CSMD2: variants seen among roughly 807,000 people sequenced by gnomAD.
CSMD2 encodes the protein CUB and sushi domain-containing protein 2.
Under a neutral mutation model 398.5 loss-of-function variants are expected in CSMD2, and 130 were observed. The ratio of observed to expected loss-of-function variants is 0.33; its 90% CI spans 0.28 to 0.38. The LOEUF is 0.38. Ranked by LOEUF, CSMD2 falls within the 10% of genes least tolerant of loss-of-function variation. CSMD2 has a pLI of 1.00. For missense variants in CSMD2, 3,829 were observed against 4,764.9 expected (o/e 0.80, Z 5.78); for synonymous variants, 1,828 against 1,908.5 (o/e 0.96, Z 1.10).
chr1:33,799,726 T>A (rs78379021), intron 10 of CSMD2, among the ~76,000 whole-genome samples: 2 of 152,238 alleles, frequency 1.3e-5, no homozygotes, highest in East Asian at 3.9e-4. Flanking sequence ...CTTGTGATCA[T>A]GAGGATGAGA....
chr1:33,544,521 G>A (rs1184991607), intron 57 of CSMD2, among the ~76,000 whole-genome samples: 1 of 152,082 alleles, frequency 6.6e-6, no homozygotes, highest in East Asian at 1.9e-4. Flanking sequence ...CAGGCAGTAA[G>A]AGTACTCATT....
chr1:33,736,286 C>T (rs1646881808), intron 15 of CSMD2, among the ~76,000 whole-genome samples: 2 of 152,220 alleles, frequency 1.3e-5, no homozygotes, highest in Middle Eastern at 3.4e-3. Context: ...TCAAGACCAT[C>T]CTGGCTAACA....
intron 1 of CSMD2, among the ~76,000 whole-genome samples, chr1:34,101,907 G>A (rs1374374507): frequency 6.6e-6 from 1 of 151,928 alleles, no homozygotes; most frequent in East Asian, 1.9e-4. Flanking sequence ...TATTTTTCTT[G>A]TTAATTTGTA....
At chr1:33,547,372 A>C (rs1400017407) in intron 56 of CSMD2, among the ~76,000 whole-genome samples, 2 of 152,228 alleles carry the variant, frequency 1.3e-5, no homozygotes, top group Non-Finnish European at 2.9e-5. Context: ...GAGGAGAACA[A>C]TTACCGAATA....
At chr1:33,547,743 G>A in intron 56 of CSMD2, among the ~76,000 whole-genome samples, 1 of 152,244 alleles carries the variant, frequency 6.6e-6, no homozygotes, top group Non-Finnish European at 1.5e-5. Context: ...TTGCCAGGAT[G>A]TAATTCACAC....
chr1:33,697,507 C>A lies in CSMD2; in HGVS notation c.3925+1246G>T, dbSNP rs78067702. Reference sequence around the variant, plus strand: ...TCCATTGTATAACAGTGTTAAAGATCCTGTGAAAATGTAGTCGTCTAGGGG... The same window carrying A: ...TCCATTGTATAACAGTGTTAAAGATACTGTGAAAATGTAGTCGTCTAGGGG... On this transcript the variant is annotated intron_variant, in intron 24 of 70. Transcript: ENST00000373381. Among the ~76,000 whole-genome samples the A allele has an allele frequency of 5.1e-3, 777 of 152,298 alleles. 10 individuals carry two copies. The highest frequency in any genetic ancestry group is 0.018 in the African/African-American group (746 of 41,574).
chr1:33,647,742 C>T (rs1347858115), intron 28 of CSMD2, among the ~76,000 whole-genome samples: 1 of 152,180 alleles, frequency 6.6e-6, no homozygotes, highest in Non-Finnish European at 1.5e-5. Flanking sequence ...ATGGTGACAT[C>T]ACTGATGCTT....
rs183561279 is a variant in CSMD2 at position 33,904,505 on chromosome 1, A to G, written c.920+13589T>C. 7.6e-4 allele frequency among the ~76,000 whole-genome samples: 115 copies of G among 152,314 alleles called. 2 individuals are homozygous for G. Among genetic ancestry groups the G allele is most frequent in the Admixed American group, 2.3e-3 (35 of 15,308 alleles). ...CCATTTTCTGCCTATGAATCTGACTATTCTGGGTATTCTTCTTTAATGGGC... is the reference window on the plus strand; with the variant it reads ...CCATTTTCTGCCTATGAATCTGACTGTTCTGGGTATTCTTCTTTAATGGGC... On this transcript the variant is annotated intron_variant, in intron 5 of 70. Transcript: ENST00000373381.
intron 5 of CSMD2, among the ~76,000 whole-genome samples, chr1:33,853,659 G>C (rs1411296223): frequency 6.6e-6 from 1 of 151,700 alleles, no homozygotes; most frequent in Non-Finnish European, 1.5e-5. Flanking sequence ...GGTGGGGGTG[G>C]GAGACTGCCT....
chr1:33,685,994 A>G (rs1206973336), intron 25 of CSMD2, among the ~76,000 whole-genome samples: 1 of 152,170 alleles, frequency 6.6e-6, no homozygotes, highest in Non-Finnish European at 1.5e-5. Context: ...GGAAAGAGCA[A>G]AGACTGACAT....
At chr1:34,146,957 C>A (rs866960699) in intron 1 of CSMD2, among the ~76,000 whole-genome samples, 1 of 152,010 alleles carries the variant, frequency 6.6e-6, no homozygotes, top group Non-Finnish European at 1.5e-5. Context: ...GCCATAGGAG[C>A]GAATGAAATA....
chr1:34,009,462 C>A (rs1647173445), intron 3 of CSMD2, among the ~76,000 whole-genome samples: 1 of 151,950 alleles, frequency 6.6e-6, no homozygotes, highest in African/African-American at 2.4e-5. Flanking sequence ...TGGGCCTTTA[C>A]CCTGCTGACA....
At chr1:34,066,227 A>T (rs1233440767) in intron 2 of CSMD2, among the ~76,000 whole-genome samples, 1 of 152,228 alleles carries the variant, frequency 6.6e-6, no homozygotes, top group Non-Finnish European at 1.5e-5. Context: ...TACACACAGC[A>T]CACATACTAA....
chr1:34,027,857 CATGGG>C, intron 3 of CSMD2, among the ~76,000 whole-genome samples: 1 of 3,586 alleles, frequency 2.8e-4, no homozygotes, highest in African/African-American at 3.9e-4. Flanking sequence ...GACAGCCCTA[CATGGG>C]CAGACAGCCC....
chr1:33,521,032 A>T (rs916076987), intron 68 of CSMD2, among the ~76,000 whole-genome samples: 7 of 152,184 alleles, frequency 4.6e-5, no homozygotes, highest in African/African-American at 1.7e-4. Flanking sequence ...TTATCTGTAA[A>T]ATGGGCACAA....
intron 3 of CSMD2, among the ~76,000 whole-genome samples, chr1:33,983,964 C>G (rs568939757): frequency 2.2e-4 from 34 of 152,222 alleles, no homozygotes; most frequent in Admixed American, 2.0e-3. Context: ...ACCAGCCTGA[C>G]CAACATGGTG....
chr1:33,925,766 A>G (rs1001857619), intron 4 of CSMD2, among the ~76,000 whole-genome samples: 1 of 152,130 alleles, frequency 6.6e-6, no homozygotes. Flanking sequence ...ATGACTCACA[A>G]GGACCTTACA....
intron 2 of CSMD2, among the ~76,000 whole-genome samples, chr1:34,067,283 T>A (rs1655222111): frequency 6.6e-6 from 1 of 152,216 alleles, no homozygotes; most frequent in African/African-American, 2.4e-5. Context: ...AGAGCATTAT[T>A]TGCAAATGAT....
intron 5 of CSMD2, among the ~76,000 whole-genome samples, chr1:33,910,915 G>A (rs1462451457): frequency 2.0e-5 from 3 of 152,162 alleles, no homozygotes; most frequent in Non-Finnish European, 4.4e-5. Context: ...AGCTGGAGGT[G>A]GGTTTCTATT....
Sources: allele counts gnomAD v4.1 joint callset (sites outside exome capture counted in the v4.1 genomes callset), GRCh38; gene constraint gnomAD v4.1.1; transcripts MANE v1.5; gene names NCBI Gene and HGNC (gene_info 2026-07-23, HGNC 2026-07-21).